Variants in SEMA5A observed in about 807,000 individuals in gnomAD.
The protein encoded by SEMA5A is semaphorin 5A, also known as semaphorin-5A.
In SEMA5A, 55 loss-of-function variants were observed where a neutral mutation model predicts 135.5. The observed-to-expected ratio is 0.41, with a 90% CI of 0.33 to 0.51. SEMA5A has a LOEUF of 0.51. Ranked by LOEUF, SEMA5A falls within the 20% of genes least tolerant of loss-of-function variation. The pLI, the probability that SEMA5A is intolerant of heterozygous loss-of-function variation, is 0.37. For missense variants in SEMA5A, 1,290 were observed against 1,419.9 expected, an observed-to-expected ratio of 0.91 and a Z score of 1.47; for synonymous variants, 580 against 546.5, an observed-to-expected ratio of 1.06 and a Z score of -0.85.
intron 16 of SEMA5A, among the ~76,000 whole-genome samples, chr5:9,068,982 T>G (rs1737626797): frequency 6.6e-6 from 1 of 152,206 alleles, no homozygotes; most frequent in Non-Finnish European, 1.5e-5. Flanking sequence ...ATGAAGGATG[T>G]GCTCAGGTCG....
At chr5:9,220,584 C>T (rs1195238710) in intron 8 of SEMA5A, among the ~76,000 whole-genome samples, 1 of 152,016 alleles carries the variant, frequency 6.6e-6, no homozygotes, top group Admixed American at 6.6e-5. Flanking sequence ...AGATGGGAAT[C>T]CAAGAAAAGC....
At chr5:9,358,883 C>T (rs1407527148) in intron 3 of SEMA5A, among the ~76,000 whole-genome samples, 1 of 152,118 alleles carries the variant, frequency 6.6e-6, no homozygotes. Flanking sequence ...TAGGTTGAGG[C>T]ATTGAGGTAC....
intron 13 of SEMA5A, among the ~76,000 whole-genome samples, chr5:9,123,229 A>G (rs1350400793): frequency 7.7e-6 from 1 of 129,234 alleles, no homozygotes; most frequent in Non-Finnish European, 1.6e-5. Context: ...ACTGCACTCC[A>G]GCCTGAGGGA....
At chr5:9,461,137 A>G (rs1481405182) in intron 1 of SEMA5A, among the ~76,000 whole-genome samples, 1 of 152,228 alleles carries the variant, frequency 6.6e-6, no homozygotes, top group East Asian at 1.9e-4. Flanking sequence ...CACTTAGCAT[A>G]GAGATTTCCT....
chr5:9,540,837 TG>T (rs2126388237), intron 1 of SEMA5A, among the ~76,000 whole-genome samples: 1 of 152,164 alleles, frequency 6.6e-6, no homozygotes, highest in African/African-American at 2.4e-5. Context: ...CTGCAAGACG[TG>T]TCACATCTCC....
intron 2 of SEMA5A, among the ~76,000 whole-genome samples, chr5:9,390,409 A>G (rs1756110263): frequency 6.6e-6 from 1 of 152,268 alleles, no homozygotes; most frequent in Admixed American, 6.5e-5. Context: ...AAAGGAGGAT[A>G]TTATAATTCA....
At chr5:9,507,064 C>A (rs1234732733) in intron 1 of SEMA5A, among the ~76,000 whole-genome samples, 1 of 152,194 alleles carries the variant, frequency 6.6e-6, no homozygotes, top group African/African-American at 2.4e-5. Context: ...AGTAAGATAA[C>A]ATAGGTATTA....
chr5:9,110,664 G>T (rs1740190382), intron 15 of SEMA5A, among the ~76,000 whole-genome samples: 1 of 152,172 alleles, frequency 6.6e-6, no homozygotes, highest in South Asian at 2.1e-4. Context: ...TGTGTAGGGG[G>T]TGAAGGAGCC....
At chr5:9,061,347 T>A (rs1166488714) in intron 18 of SEMA5A, among the ~76,000 whole-genome samples, 1 of 152,112 alleles carries the variant, frequency 6.6e-6, no homozygotes, top group Non-Finnish European at 1.5e-5. Context: ...TAAAAAACAA[T>A]CCCTGATGGG....
At chr5:9,511,924 A>G (rs1336388814) in intron 1 of SEMA5A, 1 of 152,236 alleles carries the variant, frequency 6.6e-6, no homozygotes, top group Non-Finnish European at 1.5e-5. Context: ...AGTATGTAAC[A>G]CTAAGGCAGA....
intron 12 of SEMA5A, among the ~76,000 whole-genome samples, chr5:9,141,471 A>T (rs1329557177): frequency 6.6e-6 from 1 of 152,198 alleles, no homozygotes; most frequent in African/African-American, 2.4e-5. Flanking sequence ...TGTGTTAATG[A>T]CCTTACACTA....
intron 2 of SEMA5A, among the ~76,000 whole-genome samples, chr5:9,400,501 A>AGTTTT (rs1756608271): frequency 2.3e-5 from 2 of 87,038 alleles, no homozygotes; most frequent in Admixed American, 2.8e-4. Context: ...CACAATGTAC[A>AGTTTT]TTTTTTTTTT....
rs1191470856 is a variant in SEMA5A, at chr5:9,380,075, G to C, written c.-77-52C>G. ...GATGACTGTGAGTTCGTTTTCTGGTGGGTGGTCTTCTGGTAAAACTTCCTC... is the reference window on the plus strand; with the variant it reads ...GATGACTGTGAGTTCGTTTTCTGGTCGGTGGTCTTCTGGTAAAACTTCCTC... On this transcript the variant is annotated intron_variant, in intron 2 of 22. Coordinates refer to ENST00000382496, the MANE Select transcript of SEMA5A (RefSeq NM_003966.3). 4.8e-6 allele frequency: 6 copies of C among 1,258,032 alleles called. No individual in the cohort carries two copies. In the African/African-American group the frequency reaches 7.5e-5, roughly 16 times the overall value. 77.9% of individuals were successfully genotyped at this position (1,258,032 alleles called of 1,614,324 possible).
At chr5:9,482,866 T>C (rs772427197) in intron 1 of SEMA5A, among the ~76,000 whole-genome samples, 31 of 152,224 alleles carry the variant, frequency 2.0e-4, no homozygotes, top group Non-Finnish European at 3.7e-4. Flanking sequence ...AGCTGGACTT[T>C]CCTGATCATT....
At chr5:9,094,600 T>C (rs1484931319) in intron 16 of SEMA5A, among the ~76,000 whole-genome samples, 1 of 152,248 alleles carries the variant, frequency 6.6e-6, no homozygotes, top group East Asian at 1.9e-4. Flanking sequence ...GAGAGGCTTA[T>C]TGTTCCAGAG....
At chr5:9,487,278 TTG>T (rs1427730249) in intron 1 of SEMA5A, among the ~76,000 whole-genome samples, 1 of 152,192 alleles carries the variant, frequency 6.6e-6, no homozygotes, top group Non-Finnish European at 1.5e-5. Context: ...TAAACTCTTT[TTG>T]TGTGTTAGCT....
intron 13 of SEMA5A, among the ~76,000 whole-genome samples, chr5:9,128,474 C>G (rs1434083145): frequency 6.6e-6 from 1 of 152,192 alleles, no homozygotes; most frequent in East Asian, 1.9e-4. Context: ...GGCAATCCTA[C>G]TGCCATCTTG....
intron 1 of SEMA5A, among the ~76,000 whole-genome samples, chr5:9,530,481 C>CT (rs937649660): frequency 2.0e-5 from 3 of 151,566 alleles, no homozygotes; most frequent in South Asian, 4.2e-4. Flanking sequence ...ATAAAATGTT[C>CT]TTTTTTTTTA....
At chr5:9,095,495 A>G (rs1043833733) in intron 16 of SEMA5A, among the ~76,000 whole-genome samples, 1 of 152,244 alleles carries the variant, frequency 6.6e-6, no homozygotes, top group African/African-American at 2.4e-5. Flanking sequence ...AAAAACTTTT[A>G]GGATTACTAA....
Sources: gnomAD v4.1 joint callset for allele counts (sites outside exome capture counted in the v4.1 genomes callset) on GRCh38, gnomAD v4.1.1 for gene constraint, MANE v1.5 for transcripts, NCBI Gene and HGNC (gene_info 2026-07-23, HGNC 2026-07-21) for gene names.